The following CADM2 variants were observed in gnomAD, a reference collection of about 807,000 sequenced individuals.
CADM2 encodes the protein cell adhesion molecule 2.
CADM2 carries 12 observed loss-of-function variants against 49.8 expected under a neutral mutation model. The ratio of observed to expected loss-of-function variants is 0.24; its 90% CI spans 0.15 to 0.39. The LOEUF is 0.39. CADM2 is among the 10% of genes least tolerant of loss of function. The pLI, the probability that CADM2 is intolerant of heterozygous loss-of-function variation, is 1.00. For synonymous variants in CADM2, 214 were observed against 175.4 expected (o/e 1.22, Z -1.74); for missense variants, 378 against 492.3 (o/e 0.77, Z 2.20).
At chr3:85,971,844 A>AT (rs1726186019) in intron 8 of CADM2, among the ~76,000 whole-genome samples, 1 of 151,668 alleles carries the variant, frequency 6.6e-6, no homozygotes, top group South Asian at 2.1e-4. Flanking sequence ...TTTTCTTGTA[A>AT]TTACATAGAA....
chr3:85,686,946 C>T (rs532596797), intron 1 of CADM2, among the ~76,000 whole-genome samples: 3 of 152,116 alleles, frequency 2.0e-5, no homozygotes, highest in East Asian at 1.9e-4. Flanking sequence ...CCCTAAAATG[C>T]GTAAAACCAA....
At chr3:85,192,383 G>T (rs1384230611) in intron 1 of CADM2, among the ~76,000 whole-genome samples, 1 of 151,834 alleles carries the variant, frequency 6.6e-6, no homozygotes, top group East Asian at 1.9e-4. Flanking sequence ...ATATATTCTA[G>T]ACCTTATTTT....
chr3:85,402,442 A>C (rs370032596), intron 1 of CADM2, among the ~76,000 whole-genome samples: 7 of 151,988 alleles, frequency 4.6e-5, no homozygotes, highest in African/African-American at 1.5e-4. Context: ...ATCCTGTATA[A>C]ATTTTTGTCT....
chr3:86,057,920 T>C (rs536259458), intron 8 of CADM2, among the ~76,000 whole-genome samples: 1 of 152,230 alleles, frequency 6.6e-6, no homozygotes, highest in Non-Finnish European at 1.5e-5. Flanking sequence ...GGAGTCATCT[T>C]AGCCATACTA....
At chr3:85,037,706 A>G (rs1265050328) in intron 1 of CADM2, among the ~76,000 whole-genome samples, 1 of 152,134 alleles carries the variant, frequency 6.6e-6, no homozygotes, top group Non-Finnish European at 1.5e-5. Context: ...TGCATTATAT[A>G]TGCCTTGGGA....
rs917988909 is a variant in CADM2, at chr3:85,821,988, G to A, written c.238+19792G>A. Reference sequence around the variant, plus strand: ...TTCTGGAATTAGAACTAAACACAAAGTTATGAGAGAAACAGTAATTTTTCA... The same window carrying A: ...TTCTGGAATTAGAACTAAACACAAAATTATGAGAGAAACAGTAATTTTTCA... On this transcript the variant is annotated intron_variant, in intron 3 of 9. Coordinates refer to ENST00000383699, the MANE Select transcript of CADM2 (RefSeq NM_001167675.2). 2.0e-5 allele frequency among the ~76,000 whole-genome samples: 3 copies of A among 152,072 alleles called. No homozygotes were observed. In the East Asian group the frequency reaches 5.8e-4, roughly 29 times the overall value.
At chr3:85,600,899 T>A (rs1183904700) in intron 1 of CADM2, among the ~76,000 whole-genome samples, 26 of 150,946 alleles carry the variant, frequency 1.7e-4, no homozygotes, top group Admixed American at 1.7e-3. Context: ...GGGGGAAGAA[T>A]AGCAACGATT....
At chr3:85,485,489 A>C (rs2039380193) in intron 1 of CADM2, among the ~76,000 whole-genome samples, 1 of 151,948 alleles carries the variant, frequency 6.6e-6, no homozygotes, top group Non-Finnish European at 1.5e-5. Context: ...GGAAAAAATA[A>C]CCATATCTAT....
At chr3:85,038,083 C>T (rs568605555) in intron 1 of CADM2, among the ~76,000 whole-genome samples, 89 of 152,174 alleles carry the variant, frequency 5.8e-4, no homozygotes, top group African/African-American at 2.1e-3. Context: ...AGTTTGTGGT[C>T]TTTTCTTAGT....
chr3:85,440,458 T>C (rs1428217004), intron 1 of CADM2, among the ~76,000 whole-genome samples: 1 of 152,166 alleles, frequency 6.6e-6, no homozygotes, highest in Non-Finnish European at 1.5e-5. Context: ...CAAGTGAGTA[T>C]AAAAGCCTAT....
intron 1 of CADM2, among the ~76,000 whole-genome samples, chr3:85,662,075 G>A (rs553883295): frequency 2.6e-5 from 4 of 152,046 alleles, no homozygotes; most frequent in South Asian, 2.1e-4. Context: ...TATTCTATAT[G>A]TACCAAATTT....
chr3:85,265,624 C>T (rs9852851), intron 1 of CADM2, among the ~76,000 whole-genome samples: 62,275 of 151,798 alleles, frequency 0.41, 14,607 homozygotes, highest in Admixed American at 0.55. Context: ...ATTAAAAGTC[C>T]CACCTCTCAA....
intron 1 of CADM2, among the ~76,000 whole-genome samples, chr3:85,548,354 C>G (rs2061718124): frequency 6.6e-6 from 1 of 151,278 alleles, no homozygotes; most frequent in Non-Finnish European, 1.5e-5. Context: ...ATGCCATAGT[C>G]TAAGATGTTT....
Position 84,991,987 on chromosome 3 carries a change from G to A in CADM2, c.61+32319G>A, listed in dbSNP as rs548001026. ...GTAAAAAGTTCCCTGGTTACTAGGT[G>A]TTAGGGAAGAGAGAAGGATGAATAA... On this transcript the variant is annotated intron_variant, in intron 1 of 9. Coordinates refer to ENST00000383699, the MANE Select transcript of CADM2 (RefSeq NM_001167675.2). 6.6e-5 allele frequency among the ~76,000 whole-genome samples: 10 copies of A among 152,320 alleles called. No homozygotes were observed. The South Asian group carries it at 2.1e-3, about 32-fold the overall frequency.
intron 3 of CADM2, among the ~76,000 whole-genome samples, chr3:85,853,337 G>A (rs2075178375): frequency 6.6e-6 from 1 of 151,436 alleles, no homozygotes; most frequent in Admixed American, 6.6e-5. Context: ...GAAGAAGAAG[G>A]GGGACAGATC....
chr3:85,986,109 T>C (rs1295627932), intron 8 of CADM2, among the ~76,000 whole-genome samples: 3 of 152,106 alleles, frequency 2.0e-5, no homozygotes, highest in Admixed American at 6.6e-5. Context: ...TGTTCTATCC[T>C]GCCCTTCTAT....
chr3:85,667,804 T>A (rs765051059), intron 1 of CADM2, among the ~76,000 whole-genome samples: 4 of 152,010 alleles, frequency 2.6e-5, no homozygotes, highest in African/African-American at 7.2e-5. Flanking sequence ...TAAGCTTAAC[T>A]CCTTAAATCT....
At chr3:85,201,384 T>C (rs911012236) in intron 1 of CADM2, among the ~76,000 whole-genome samples, 4 of 152,186 alleles carry the variant, frequency 2.6e-5, no homozygotes, top group African/African-American at 9.7e-5. Context: ...AGAAATACTT[T>C]ATTACTAAAA....
In CADM2 at chr3:85,042,200, A is replaced by G. The variant is rs185788019; in HGVS notation, c.61+82532A>G. ...TTACAAATCAGGAAAACAAATGGCA[A>G]CAAGGAGAGTGAGCGCCCATTAATT... On this transcript the variant is annotated intron_variant, in intron 1 of 9. Coordinates refer to ENST00000383699, the MANE Select transcript of CADM2 (RefSeq NM_001167675.2). 7.4e-4 allele frequency among the ~76,000 whole-genome samples: 112 copies of G among 152,304 alleles called. No homozygotes were observed. In the East Asian group the frequency reaches 0.016, roughly 22 times the overall value.
Sources: allele counts gnomAD v4.1 joint callset (sites outside exome capture counted in the v4.1 genomes callset), GRCh38; gene constraint gnomAD v4.1.1; transcripts MANE v1.5; gene names NCBI Gene and HGNC (gene_info 2026-07-23, HGNC 2026-07-21).